TNFRSF19: variants seen among roughly 807,000 people sequenced by gnomAD.
The protein encoded by TNFRSF19 is tumor necrosis factor receptor superfamily member 19.
In TNFRSF19, 27 loss-of-function variants were observed where a neutral mutation model predicts 46.4. The ratio of observed to expected loss-of-function variants is 0.58; its 90% CI spans 0.43 to 0.80. TNFRSF19 has a LOEUF of 0.80. Among genes scored for constraint, TNFRSF19 ranks in the 30% least tolerant of loss-of-function variants. The pLI is 0.00. For missense variants in TNFRSF19, 511 were observed against 530.8 expected, an observed-to-expected ratio of 0.96 and a Z score of 0.37; for synonymous variants, 204 against 205.0, an observed-to-expected ratio of 1.00 and a Z score of 0.04.
rs1030495038 is a variant in TNFRSF19 at position 23,590,674 on chromosome 13, A to G, written c.69+422A>G. 9.2e-5 allele frequency among the ~76,000 whole-genome samples: 14 copies of G among 152,332 alleles called. No individual in the cohort carries two copies. In the South Asian group the frequency reaches 2.1e-3, roughly 23 times the overall value. On this transcript the variant is annotated intron_variant, in intron 2 of 9. Coordinates refer to ENST00000248484, the MANE Select transcript of TNFRSF19 (RefSeq NM_148957.4). Reference sequence around the variant, plus strand: ...ATTTCTGATCCAATATTATGTTTTTATCTCTTTCAAATGGCATTTTATTAT... The same window carrying G: ...ATTTCTGATCCAATATTATGTTTTTGTCTCTTTCAAATGGCATTTTATTAT...
rs1358935870 is a variant in TNFRSF19, at chr13:23,675,213, C to T, written c.*1833C>T. The stretch of plus-strand genomic sequence containing the variant: ...CAAGTAGTTTCCTCGCGTGACCTCA[C>T]CATGATTCACATACGTGCCACTGTT... On this transcript the variant is annotated 3_prime_UTR_variant, in exon 10 of 10. Transcript: ENST00000248484. 8.5e-5 allele frequency: 13 copies of T among 152,202 alleles called. No individual in the cohort carries two copies. The highest frequency in any genetic ancestry group is 2.4e-5 in the African/African-American group (1 of 41,442). 9.4% of individuals were successfully genotyped at this position (152,202 alleles called of 1,614,324 possible). A position where few individuals can be genotyped will look rare whatever the true frequency, so the allele number is the denominator to read the frequency against.
intron 3 of TNFRSF19, among the ~76,000 whole-genome samples, chr13:23,604,021 AAG>A (rs1880347864): frequency 6.6e-6 from 1 of 152,052 alleles, no homozygotes; most frequent in African/African-American, 2.4e-5. Flanking sequence ...AATAAAAAAA[AAG>A]AAATAAAAGG....
chr13:23,576,987 T>C (rs952998720), intron 1 of TNFRSF19, among the ~76,000 whole-genome samples: 2 of 152,250 alleles, frequency 1.3e-5, no homozygotes, highest in Non-Finnish European at 2.9e-5. Flanking sequence ...AGAGGATATA[T>C]TGCTACTAAG....
At chr13:23,592,338 A>G (rs1228187399) in intron 2 of TNFRSF19, among the ~76,000 whole-genome samples, 1 of 152,188 alleles carries the variant, frequency 6.6e-6, no homozygotes, top group Non-Finnish European at 1.5e-5. Flanking sequence ...GGGTTGGACC[A>G]AACGTCTTCA....
At chr13:23,589,438 TA>T (rs2138176917) in intron 1 of TNFRSF19, among the ~76,000 whole-genome samples, 1 of 152,362 alleles carries the variant, frequency 6.6e-6, no homozygotes, top group East Asian at 1.9e-4. Flanking sequence ...AAAGAATTCA[TA>T]AATGCAAAAT....
intron 4 of TNFRSF19, among the ~76,000 whole-genome samples, chr13:23,623,981 CTT>C (rs942581699): frequency 3.9e-5 from 6 of 152,026 alleles, no homozygotes; most frequent in African/African-American, 9.7e-5. Context: ...AATTTTTTCT[CTT>C]GTTTCCTATG....
chr13:23,589,588 C>T (rs1879103968), intron 1 of TNFRSF19, among the ~76,000 whole-genome samples: 1 of 152,190 alleles, frequency 6.6e-6, no homozygotes, highest in South Asian at 2.1e-4. Context: ...TTGCATCCAG[C>T]TGTGCCTCTC....
chr13:23,642,813 C>CA (rs1261080974), intron 5 of TNFRSF19, among the ~76,000 whole-genome samples: 1 of 152,174 alleles, frequency 6.6e-6, no homozygotes, highest in Non-Finnish European at 1.5e-5. Flanking sequence ...AGAGCTCCAG[C>CA]AATAAAATCA....
chr13:23,627,064 T>C (rs1015898478), intron 5 of TNFRSF19, among the ~76,000 whole-genome samples: 2 of 152,198 alleles, frequency 1.3e-5, no homozygotes, highest in African/African-American at 2.4e-5. Context: ...CCTGGCACCC[T>C]GGGTCTGTAA....
At chr13:23,633,102 T>C (rs975780216) in intron 5 of TNFRSF19, among the ~76,000 whole-genome samples, 4 of 146,426 alleles carry the variant, frequency 2.7e-5, no homozygotes, top group African/African-American at 1.0e-4. Flanking sequence ...AAATTACACT[T>C]GTTGACGTCT....
At chr13:23,628,947 C>T (rs1882177220) in intron 5 of TNFRSF19, among the ~76,000 whole-genome samples, 1 of 152,180 alleles carries the variant, frequency 6.6e-6, no homozygotes, top group South Asian at 2.1e-4. Context: ...GTCCTTATCT[C>T]TGTAAAAGAA....
intron 5 of TNFRSF19, among the ~76,000 whole-genome samples, chr13:23,629,134 G>T (rs12584129): frequency 0.21 from 30,737 of 149,756 alleles, 3,760 homozygotes; most frequent in East Asian, 0.3. Flanking sequence ...CTTCAGTGAT[G>T]TTTTTCTCCC....
intron 3 of TNFRSF19, among the ~76,000 whole-genome samples, chr13:23,608,190 A>G (rs1187861397): frequency 2.0e-5 from 3 of 152,176 alleles, no homozygotes; most frequent in Non-Finnish European, 2.9e-5. Flanking sequence ...ACTTAGATTG[A>G]TGATACCCTT....
chr13:23,583,127 A>G (rs1269833252), intron 1 of TNFRSF19, among the ~76,000 whole-genome samples: 1 of 152,216 alleles, frequency 6.6e-6, no homozygotes, highest in Non-Finnish European at 1.5e-5. Context: ...AGAAATGTCC[A>G]AATTGTTTTC....
chr13:23,604,621 T>C (rs1454790006), intron 3 of TNFRSF19, among the ~76,000 whole-genome samples: 1 of 152,056 alleles, frequency 6.6e-6, no homozygotes, highest in Non-Finnish European at 1.5e-5. Flanking sequence ...CATATAGTAA[T>C]CAAGACAGTG....
chr13:23,660,489 C>A lies in TNFRSF19; in HGVS notation c.735C>A (p.Cys245Ter), dbSNP rs138676880. The A allele has an allele frequency of 6.2e-7, 1 of 1,611,806 alleles. No homozygotes were observed. Among genetic ancestry groups the A allele is most frequent in the Non-Finnish European group, 8.5e-7 (1 of 1,179,428 alleles). Residue 245 changes from cysteine to a stop codon, truncating the protein, a stop_gained and splice_region_variant, in exon 7 of 10, where the codon TGC (cysteine) becomes TGA (stop). Transcript: ENST00000248484. LOFTEE classifies it high-confidence loss of function. ...CQCRRDSVQT[C>*]GPVRLLPSMC... is the part of the protein sequence containing the mutation. ...GCCGCCGTGACTCAGTGCAGACCTG[C>A]GGTAAGTTCAGCAGGGAAGTGCCGT...
At chr13:23,641,712 A>C (rs1319840309) in intron 5 of TNFRSF19, among the ~76,000 whole-genome samples, 1 of 152,226 alleles carries the variant, frequency 6.6e-6, no homozygotes, top group Non-Finnish European at 1.5e-5. Flanking sequence ...TTGTTATATA[A>C]CATTGCTTGA....
rs200346994 is a variant in TNFRSF19 at position 23,607,083 on chromosome 13, A to AT, written c.181-8776dup. ...TCTTTTGACTAAGACTAAGCTTTAAATTTTTTTTCAGACAACTACGTTTAT... is the reference window on the plus strand; with the variant it reads ...TCTTTTGACTAAGACTAAGCTTTAAATTTTTTTTTCAGACAACTACGTTTAT... On this transcript the variant is annotated intron_variant, in intron 3 of 9. Transcript: ENST00000248484. 4.3e-3 allele frequency among the ~76,000 whole-genome samples: 652 copies of AT among 151,970 alleles called. 4 individuals are homozygous for AT. Among genetic ancestry groups the AT allele is most frequent in the African/African-American group, 0.015 (616 of 41,346 alleles).
chr13:23,625,334 T>C (rs1881929837), intron 4 of TNFRSF19, among the ~76,000 whole-genome samples: 1 of 147,160 alleles, frequency 6.8e-6, no homozygotes, highest in Admixed American at 6.7e-5. Context: ...TTCTTTTTTT[T>C]TTTTTTTTTT....
Sources: allele counts gnomAD v4.1 joint callset (sites outside exome capture counted in the v4.1 genomes callset), GRCh38; gene constraint gnomAD v4.1.1; transcripts MANE v1.5; gene names NCBI Gene and HGNC (gene_info 2026-07-23, HGNC 2026-07-21).